CLPB: variants seen among roughly 807,000 people sequenced by gnomAD.
CLPB encodes the protein mitochondrial disaggregase.
CLPB carries 40 observed loss-of-function variants against 78.4 expected under a neutral mutation model. The ratio of observed to expected loss-of-function variants is 0.51; its 90% CI spans 0.40 to 0.66. The LOEUF (loss-of-function observed/expected upper bound fraction) is 0.66, where lower values mean the gene tolerates loss of function less well. Ranked by LOEUF, CLPB falls within the 30% of genes least tolerant of loss-of-function variation. CLPB has a pLI of 0.00. For synonymous variants in CLPB, 333 were observed against 348.0 expected, an observed-to-expected ratio of 0.96 and a Z score of 0.48; for missense variants, 780 against 886.9, an observed-to-expected ratio of 0.88 and a Z score of 1.53.
At chr11:72,410,194 T>C (rs1278133629) in intron 2 of CLPB, among the ~76,000 whole-genome samples, 1 of 152,102 alleles carries the variant, frequency 6.6e-6, no homozygotes, top group Non-Finnish European at 1.5e-5. Flanking sequence ...CGTGCCACTG[T>C]ACCCCAGCCT....
At chr11:72,395,524 C>G (rs74968219) in intron 3 of CLPB, among the ~76,000 whole-genome samples, 1,756 of 152,312 alleles carry the variant, frequency 0.012, 34 homozygotes, top group East Asian at 0.063. Flanking sequence ...ATAATCCCTT[C>G]CTTTCAAGAT....
intron 5 of CLPB, among the ~76,000 whole-genome samples, chr11:72,344,267 G>C (rs1436662268): frequency 6.6e-6 from 1 of 152,048 alleles, no homozygotes; most frequent in Admixed American, 6.5e-5. Flanking sequence ...GGAGTGCAGT[G>C]GCGCAATCTC....
intron 11 of CLPB, among the ~76,000 whole-genome samples, chr11:72,300,560 G>C (rs1486139815): frequency 6.6e-6 from 1 of 152,150 alleles, no homozygotes; most frequent in Non-Finnish European, 1.5e-5. Flanking sequence ...AGATACAACG[G>C]AACGGGCAGG....
chr11:72,350,811 T>C (rs1350490999), intron 5 of CLPB, among the ~76,000 whole-genome samples: 1 of 152,232 alleles, frequency 6.6e-6, no homozygotes, highest in African/African-American at 2.4e-5. Context: ...GGAGGATTTT[T>C]TTCTTTTCTT....
At chr11:72,375,949 C>A (rs1439888887) in intron 4 of CLPB, among the ~76,000 whole-genome samples, 1 of 152,130 alleles carries the variant, frequency 6.6e-6, no homozygotes, top group African/African-American at 2.4e-5. Context: ...GAGGTCTTGC[C>A]AAAGCCACAA....
At position 72,402,934 on chromosome 11, in the gene CLPB, A is replaced by G. The variant is rs758770072; in HGVS notation, c.542+32T>C. On this transcript the variant is annotated intron_variant, in intron 3 of 15. Transcript: ENST00000538039. ...GAGCACAGTCTGCAGAGATCTGCCT[A>G]AAGGAGCCCTGTGTGGAAGGTGGTC... 4 of 1,590,954 alleles carry G rather than the reference A, an allele frequency of 2.5e-6. No homozygotes were observed. In the African/African-American group the frequency reaches 5.4e-5, roughly 21 times the overall value.
intron 5 of CLPB, among the ~76,000 whole-genome samples, chr11:72,348,302 A>C (rs755748749): frequency 2.0e-5 from 3 of 152,204 alleles, no homozygotes; most frequent in Non-Finnish European, 4.4e-5. Context: ...TCACTAAACA[A>C]ACACATAAAC....
At chr11:72,397,400 A>G (rs1855439606) in intron 3 of CLPB, among the ~76,000 whole-genome samples, 1 of 152,184 alleles carries the variant, frequency 6.6e-6, no homozygotes, top group Non-Finnish European at 1.5e-5. Context: ...AGGAGTTGCT[A>G]TTGCTCTGTG....
intron 3 of CLPB, among the ~76,000 whole-genome samples, chr11:72,397,732 G>A (rs1855451368): frequency 1.3e-5 from 2 of 152,106 alleles, no homozygotes; most frequent in South Asian, 4.2e-4. Context: ...TTCTTTATAT[G>A]TTCTGGGTAC....
At chr11:72,327,566 G>A (rs1950153152) in intron 6 of CLPB, among the ~76,000 whole-genome samples, 1 of 152,118 alleles carries the variant, frequency 6.6e-6, no homozygotes, top group South Asian at 2.1e-4. Context: ...CTCCACCAGC[G>A]CTGGCACTAA....
chr11:72,366,795 T>C (rs1324904991), intron 4 of CLPB, among the ~76,000 whole-genome samples: 1 of 152,198 alleles, frequency 6.6e-6, no homozygotes, highest in East Asian at 1.9e-4. Context: ...GTAAATTAGT[T>C]CAGCCACTAT....
At chr11:72,375,070 T>TG (rs1403364449) in intron 4 of CLPB, among the ~76,000 whole-genome samples, 1 of 152,222 alleles carries the variant, frequency 6.6e-6, no homozygotes, top group African/African-American at 2.4e-5. Flanking sequence ...TCTAATATTC[T>TG]GCTAATATCT....
At chr11:72,351,474 G>A (rs563517213) in intron 5 of CLPB, 1 of 152,286 alleles carries the variant, frequency 6.6e-6, no homozygotes, top group East Asian at 1.9e-4. Flanking sequence ...AACAGTAAGT[G>A]TCTGGAAACT....
intron 3 of CLPB, among the ~76,000 whole-genome samples, chr11:72,386,825 A>G (rs888130176): frequency 4.6e-5 from 7 of 152,222 alleles, no homozygotes; most frequent in South Asian, 4.1e-4. Context: ...TCTAAAACTC[A>G]TATGTTTAAT....
chr11:72,417,105 T>C (rs940855027), intron 2 of CLPB, among the ~76,000 whole-genome samples: 8 of 152,206 alleles, frequency 5.3e-5, no homozygotes, highest in African/African-American at 1.9e-4. Flanking sequence ...TACATTCACA[T>C]AGAAATCTGT....
At chr11:72,359,898 T>C (rs1445481274) in intron 4 of CLPB, among the ~76,000 whole-genome samples, 1 of 152,246 alleles carries the variant, frequency 6.6e-6, no homozygotes, top group Non-Finnish European at 1.5e-5. Context: ...TGATTTGATA[T>C]AAAATAACAT....
chr11:72,404,033 A>C (rs993871474), intron 2 of CLPB, among the ~76,000 whole-genome samples: 10 of 152,186 alleles, frequency 6.6e-5, no homozygotes, highest in Admixed American at 1.3e-4. Context: ...TGACTTCCTT[A>C]AGGTCACGCA....
chr11:72,385,284 C>T (rs1445679364), intron 3 of CLPB, among the ~76,000 whole-genome samples: 1 of 152,188 alleles, frequency 6.6e-6, no homozygotes, highest in East Asian at 1.9e-4. Context: ...GTTAGCTTCC[C>T]TTCTTCCTGC....
intron 6 of CLPB, among the ~76,000 whole-genome samples, chr11:72,328,869 A>C (rs1471961894): frequency 6.6e-6 from 1 of 152,058 alleles, no homozygotes; most frequent in Non-Finnish European, 1.5e-5. Context: ...TAGGTTTCAG[A>C]GATTGAAACT....
Sources: allele counts gnomAD v4.1 joint callset (sites outside exome capture counted in the v4.1 genomes callset), GRCh38; gene constraint gnomAD v4.1.1; transcripts MANE v1.5; gene names NCBI Gene and HGNC (gene_info 2026-07-23, HGNC 2026-07-21).